The following PTPN3 variants were observed in gnomAD, a reference collection of about 807,000 sequenced individuals.
PTPN3 encodes protein tyrosine phosphatase non-receptor type 3, also known as tyrosine-protein phosphatase non-receptor type 3.
Under a neutral mutation model 132.7 loss-of-function variants are expected in PTPN3, and 96 were observed. The observed-to-expected ratio is 0.72, with a 90% CI of 0.61 to 0.86. The LOEUF (loss-of-function observed/expected upper bound fraction) is 0.86. PTPN3 is among the 40% of genes least tolerant of loss of function. The pLI, the probability that PTPN3 is intolerant of heterozygous loss-of-function variation, is 0.00. For missense variants in PTPN3, 1,125 were observed against 1,159.6 expected, an observed-to-expected ratio of 0.97 and a Z score of 0.43; for synonymous variants, 398 against 429.0, an observed-to-expected ratio of 0.93 and a Z score of 0.89.
chr9:109,379,943 G>T (rs932303213), intron 25 of PTPN3, among the ~76,000 whole-genome samples: 6 of 152,176 alleles, frequency 3.9e-5, no homozygotes, highest in African/African-American at 1.4e-4. Context: ...GCCTCAGTAA[G>T]AGCCCATTTT....
At chr9:109,415,082 C>G (rs1007119844) in intron 14 of PTPN3, among the ~76,000 whole-genome samples, 2 of 59,210 alleles carry the variant, frequency 3.4e-5, no homozygotes, top group South Asian at 1.0e-3. Flanking sequence ...ATCCAACCAT[C>G]CATCCATCCA....
intron 19 of PTPN3, among the ~76,000 whole-genome samples, chr9:109,402,192 G>A (rs970297972): frequency 1.3e-5 from 2 of 152,120 alleles, no homozygotes; most frequent in Non-Finnish European, 2.9e-5. Flanking sequence ...TCCTTGTTTC[G>A]ATTTTGGAGT....
intron 12 of PTPN3, among the ~76,000 whole-genome samples, chr9:109,425,945 C>T (rs1201394744): frequency 1.4e-5 from 2 of 145,598 alleles, no homozygotes; most frequent in East Asian, 2.0e-4. Context: ...ACCTGGGAGG[C>T]GGAGGTTGCA....
chr9:109,456,110 C>T (rs1845548863), intron 4 of PTPN3, among the ~76,000 whole-genome samples: 1 of 152,194 alleles, frequency 6.6e-6, no homozygotes, highest in Admixed American at 6.5e-5. Context: ...GAGCGAAGGC[C>T]ACTGTGTCTA....
At chr9:109,508,562 G>A in the PTPN3 span, among the ~76,000 whole-genome samples, 124 of 152,252 alleles carry the variant, frequency 8.1e-4, no homozygotes, top group African/African-American at 2.8e-3. Context: ...TTTAGGCTGT[G>A]ACTATTATGT....
chr9:109,477,975 A>G lies in PTPN3; in HGVS notation c.-17-14524T>C, dbSNP rs575240723. On this transcript the variant is annotated intron_variant, in intron 1 of 25. Transcript: ENST00000374541. ...CTCATGAGGACAGTCATGGGGCAGG[A>G]GTAACTGATAAACAAGGGGGCGGCA... 2.0e-5 allele frequency among the ~76,000 whole-genome samples: 3 copies of G among 152,328 alleles called. No homozygotes were observed. In the South Asian group the frequency reaches 6.2e-4, roughly 32 times the overall value.
chr9:109,451,529 C>T, intron 5 of PTPN3: 1 of 515,374 alleles, frequency 1.9e-6, no homozygotes, highest in South Asian at 8.4e-5. Flanking sequence ...CGACCCTGCA[C>T]ATCTAGTTCC....
Position 109,488,393 on chromosome 9 carries a change from C to T in PTPN3, c.-18+9826G>A, listed in dbSNP as rs569563727. On this transcript the variant is annotated intron_variant, in intron 1 of 25. Coordinates refer to ENST00000374541, the MANE Select transcript of PTPN3 (RefSeq NM_002829.4). ...AGGATTACAGGCATGAGCCACCGCA[C>T]CAGGCTGAAAGTACATTTTTAAGCA... Among the ~76,000 whole-genome samples, 3 of 152,264 alleles carry T rather than the reference C, an allele frequency of 2.0e-5. No homozygotes were observed. In the South Asian group the frequency reaches 6.2e-4, roughly 32 times the overall value.
the PTPN3 span, chr9:109,534,460 AC>A: frequency 8.6e-7 from 1 of 1,159,058 alleles, no homozygotes; most frequent in Non-Finnish European, 1.2e-6. Flanking sequence ...CGCTCCCGCT[AC>A]CGATCGAACT....
rs1194279760 is a variant in PTPN3 at position 109,400,936 on chromosome 9, T to C, written c.1953+3512A>G. Among the ~76,000 whole-genome samples the C allele has an allele frequency of 2.0e-5, 3 of 152,200 alleles. No homozygotes were observed. In the East Asian group the frequency reaches 5.8e-4, roughly 29 times the overall value. On this transcript the variant is annotated intron_variant, in intron 19 of 25. Coordinates refer to ENST00000374541, the MANE Select transcript of PTPN3 (RefSeq NM_002829.4). ...ACAGTGGTTTTCACATGATGGTCTG[T>C]TTAGCCTAGGGCTCCCTGGGGGCCA...
the PTPN3 span, among the ~76,000 whole-genome samples, chr9:109,527,179 G>C: frequency 2.0e-5 from 3 of 152,322 alleles, no homozygotes; most frequent in Admixed American, 2.0e-4. Context: ...AATAACTTCT[G>C]GCTGGGTGTG....
chr9:109,422,572 C>A, intron 13 of PTPN3, 146 bp downstream of exon 13: 1 of 936,970 alleles, frequency 1.1e-6, no homozygotes, highest in South Asian at 1.8e-5. Context: ...TTGTGTACTT[C>A]ATGAAAACAG....
At chr9:109,422,566 G>A (rs908729510) in intron 13 of PTPN3, 152 bp downstream of exon 13, 3 of 855,346 alleles carry the variant, frequency 3.5e-6, no homozygotes, top group Non-Finnish European at 5.2e-6. Context: ...CTAGACTTGT[G>A]TACTTCATGA....
intron 14 of PTPN3, among the ~76,000 whole-genome samples, chr9:109,415,756 G>GGAGT (rs1842442684): frequency 6.6e-6 from 1 of 152,156 alleles, no homozygotes; most frequent in South Asian, 2.1e-4. Flanking sequence ...AAGAAAAGGA[G>GGAGT]GAGTGAGGGA....
intron 1 of PTPN3, among the ~76,000 whole-genome samples, chr9:109,474,522 C>T (rs577426647): frequency 7.2e-5 from 11 of 151,992 alleles, no homozygotes; most frequent in Admixed American, 3.3e-4. Context: ...GTGTCAGGAC[C>T]GGTTCACAGA....
At chr9:109,417,380 C>T (rs970893108) in intron 14 of PTPN3, among the ~76,000 whole-genome samples, 2 of 152,202 alleles carry the variant, frequency 1.3e-5, no homozygotes, top group Non-Finnish European at 1.5e-5. Flanking sequence ...AATTCTTCTT[C>T]TTAAAAGGAA....
At chr9:109,500,551 G>A (rs1012078312), upstream of PTPN3, among the ~76,000 whole-genome samples, 1 of 150,874 alleles carries the variant, frequency 6.6e-6, no homozygotes, top group African/African-American at 2.4e-5. Flanking sequence ...TATATTAGTT[G>A]AAATAATAAC....
upstream of PTPN3, among the ~76,000 whole-genome samples, chr9:109,502,197 A>T (rs1366693198): frequency 6.6e-6 from 1 of 152,256 alleles, no homozygotes; most frequent in African/African-American, 2.4e-5. Context: ...ATCAGGTGCC[A>T]GGCACTGTAT....
intron 10 of PTPN3, among the ~76,000 whole-genome samples, chr9:109,431,506 G>A (rs1022266905): frequency 3.3e-5 from 5 of 152,178 alleles, no homozygotes; most frequent in African/African-American, 4.8e-5. Context: ...GCCTGGGCAC[G>A]CCCCAGCCCA....
Sources: gnomAD v4.1 joint callset for allele counts (sites outside exome capture counted in the v4.1 genomes callset) on GRCh38, gnomAD v4.1.1 for gene constraint, MANE v1.5 for transcripts, NCBI Gene and HGNC (gene_info 2026-07-23, HGNC 2026-07-21) for gene names.